Variants in MYO10 observed in about 807,000 individuals in gnomAD.
MYO10 encodes myosin X.
In MYO10, 133 loss-of-function variants were observed where a neutral mutation model predicts 257.3. The observed-to-expected ratio is 0.52, with a 90% CI of 0.45 to 0.60. MYO10 has a LOEUF of 0.60. MYO10 is among the 20% of genes least tolerant of loss of function. The pLI is 0.00. For missense variants in MYO10, 2,399 were observed against 2,635.7 expected (o/e 0.91, Z 1.97); for synonymous variants, 1,104 against 1,028.6 (o/e 1.07, Z -1.40).
intron 9 of MYO10, among the ~76,000 whole-genome samples, chr5:16,776,253 G>A (rs1233642396): frequency 6.6e-6 from 1 of 152,006 alleles, no homozygotes; most frequent in Non-Finnish European, 1.5e-5. Context: ...ATTGTATATA[G>A]AAAGGAATAT....
chr5:16,763,535 C>T lies in MYO10; in HGVS notation c.1440G>A (p.Val480=), dbSNP rs1740781249. 5.0e-6 allele frequency: 8 copies of T among 1,611,268 alleles called. No homozygotes were observed. Among genetic ancestry groups the T allele is most frequent in the East Asian group, 2.2e-5 (1 of 44,838 alleles). The change falls in exon 14 of 41, where the codon GTG becomes GTA. Residue 480 remains valine (V), a synonymous_variant. Transcript: ENST00000513610. ...EQLEYSREGL[V]WEDIDWIDNG... is the part of the protein sequence containing the mutation. ...TGTCTATCCAGTCAATATCTTCCCA[C>T]ACTAATCCTTCCCTGTAGAAAGATT...
intron 3 of MYO10, among the ~76,000 whole-genome samples, chr5:16,799,303 G>A (rs1305784326): frequency 5.9e-5 from 9 of 151,960 alleles, no homozygotes; most frequent in Non-Finnish European, 7.4e-5. Context: ...AGGTGAAGAC[G>A]CAACATCCAA....
At chr5:16,738,318 G>A (rs1224940482) in intron 19 of MYO10, 5 of 985,346 alleles carry the variant, frequency 5.1e-6, no homozygotes, top group African/African-American at 1.7e-5. Flanking sequence ...AGCAGGGGTG[G>A]GGATTAAGAG....
intron 33 of MYO10, among the ~76,000 whole-genome samples, chr5:16,679,626 G>A (rs568703072): frequency 3.7e-4 from 56 of 150,610 alleles, no homozygotes; most frequent in African/African-American, 1.4e-3. Context: ...GGAGGTTCAA[G>A]CAAGTCTTCT....
At position 16,663,350 on chromosome 5, in the gene MYO10, T is replaced by G. The variant is rs1269609736; in HGVS notation, c.*3342A>C. The G allele has an allele frequency of 3.7e-5, 4 of 107,324 alleles. No individual in the cohort carries two copies. Among genetic ancestry groups the G allele is most frequent in the African/African-American group, 8.5e-5 (3 of 35,406 alleles). 6.6% of individuals were successfully genotyped at this position (107,324 alleles called of 1,614,324 possible). A position where few individuals can be genotyped will look rare whatever the true frequency, so the allele number is the denominator to read the frequency against. ...GTTGTTTTTTTTTTTTTTTTTTTTT[T>G]TTTTTTTTTTTTTTTTTACAAATCA... On this transcript the variant is annotated 3_prime_UTR_variant, in exon 41 of 41. Coordinates refer to ENST00000513610, the MANE Select transcript of MYO10 (RefSeq NM_012334.3).
intron 2 of MYO10, among the ~76,000 whole-genome samples, chr5:16,829,632 C>A (rs147341776): frequency 6.6e-6 from 1 of 152,264 alleles, no homozygotes; most frequent in South Asian, 2.1e-4. Context: ...TTTCTGACAG[C>A]GCCGCAGGGC....
chr5:16,837,928 A>G (rs1743362252), intron 2 of MYO10, among the ~76,000 whole-genome samples: 1 of 152,182 alleles, frequency 6.6e-6, no homozygotes, highest in Non-Finnish European at 1.5e-5. Flanking sequence ...TTCCATTATT[A>G]TAATATTTGA....
intron 19 of MYO10, among the ~76,000 whole-genome samples, chr5:16,739,161 C>T (rs1739922110): frequency 6.7e-6 from 1 of 148,532 alleles, no homozygotes; most frequent in Non-Finnish European, 1.5e-5. Context: ...ATAGCCCCTG[C>T]ACTCCAGCCT....
intron 19 of MYO10, chr5:16,742,016 G>C (rs1291093496): frequency 1.0e-6 from 1 of 985,272 alleles, no homozygotes; most frequent in Non-Finnish European, 1.2e-6. Context: ...AGGCTGACGT[G>C]ATAGGAACTG....
chr5:16,816,366 C>G (rs753717932), intron 3 of MYO10, among the ~76,000 whole-genome samples: 31 of 141,100 alleles, frequency 2.2e-4, no homozygotes, highest in Non-Finnish European at 3.7e-4. Context: ...CAAATACACT[C>G]TTTTTTTTTT....
At chr5:16,818,429 C>CGTATATATATGT (rs1742705651) in intron 2 of MYO10, among the ~76,000 whole-genome samples, 1 of 130,712 alleles carries the variant, frequency 7.7e-6, no homozygotes, top group African/African-American at 3.0e-5. Flanking sequence ...TATATATACA[C>CGTATATATATGT]ATATCTTTGT....
intron 1 of MYO10, among the ~76,000 whole-genome samples, chr5:16,892,529 G>A (rs1426782365): frequency 6.6e-6 from 1 of 152,164 alleles, no homozygotes; most frequent in African/African-American, 2.4e-5. Context: ...TATAGTCCAA[G>A]CTACTTGGAA....
intron 19 of MYO10, among the ~76,000 whole-genome samples, chr5:16,726,111 C>T (rs1296100254): frequency 2.0e-5 from 3 of 152,118 alleles, no homozygotes; most frequent in African/African-American, 4.8e-5. Context: ...ACATTAAATC[C>T]TTGCAGATCA....
chr5:16,799,850 G>A (rs1742071188), intron 3 of MYO10, among the ~76,000 whole-genome samples: 2 of 152,140 alleles, frequency 1.3e-5, no homozygotes, highest in South Asian at 4.1e-4. Context: ...AGACTCTGCA[G>A]AATTATGTGG....
In MYO10 at chr5:16,861,955, T is replaced by A. The variant is rs1247485609; in HGVS notation, c.120+15654A>T. Among the ~76,000 whole-genome samples the A allele has an allele frequency of 4.6e-5, 7 of 152,204 alleles. No individual in the cohort carries two copies. The East Asian group carries it at 1.4e-3, about 29-fold the overall frequency. ...TTCCTCATGGGATACTTACAGGAATTAAACAGGACAAACAGATTGGCATGT... is the reference window on the plus strand; with the variant it reads ...TTCCTCATGGGATACTTACAGGAATAAAACAGGACAAACAGATTGGCATGT... On this transcript the variant is annotated intron_variant, in intron 2 of 40. Coordinates refer to ENST00000513610, the MANE Select transcript of MYO10 (RefSeq NM_012334.3).
At position 16,886,674 on chromosome 5, in the gene MYO10, G is replaced by A. The variant is rs895554263; in HGVS notation, c.22-8967C>T. Among the ~76,000 whole-genome samples the A allele has an allele frequency of 2.6e-5, 4 of 152,212 alleles. 1 individual carries two copies. In the South Asian group the frequency reaches 6.2e-4, roughly 24 times the overall value. On this transcript the variant is annotated intron_variant, in intron 1 of 40. Transcript: ENST00000513610. Reference sequence around the variant, plus strand: ...CGGCTGGGCACAGTGGCTCCTGACTGTAATCCCAGCACTCTGGGAGGCTGA... The same window carrying A: ...CGGCTGGGCACAGTGGCTCCTGACTATAATCCCAGCACTCTGGGAGGCTGA...
intron 28 of MYO10, 124 bp downstream of exon 28, chr5:16,689,700 T>G: frequency 1.4e-6 from 1 of 713,380 alleles, no homozygotes; most frequent in Non-Finnish European, 2.4e-6. Flanking sequence ...GACTCTTGGT[T>G]CTTCAAAAAA....
At chr5:16,715,392 A>ATATTTTT (rs1554038579) in intron 19 of MYO10, among the ~76,000 whole-genome samples, 5 of 84,368 alleles carry the variant, frequency 5.9e-5, no homozygotes, top group African/African-American at 2.3e-4. Context: ...TAAGATTGAA[A>ATATTTTT]TTTTTTTTTT....
intron 9 of MYO10, among the ~76,000 whole-genome samples, chr5:16,770,398 G>A (rs1225902674): frequency 6.6e-6 from 1 of 152,064 alleles, no homozygotes; most frequent in Non-Finnish European, 1.5e-5. Flanking sequence ...TTAACATAAT[G>A]CTGTTTGAGG....
Sources: gnomAD v4.1 joint callset for allele counts (sites outside exome capture counted in the v4.1 genomes callset) on GRCh38, gnomAD v4.1.1 for gene constraint, MANE v1.5 for transcripts, NCBI Gene and HGNC (gene_info 2026-07-23, HGNC 2026-07-21) for gene names.